The following TASP1 variants were observed in gnomAD, a reference collection of about 807,000 sequenced individuals.
TASP1 encodes the protein taspase 1.
Under a neutral mutation model 56.6 loss-of-function variants are expected in TASP1, and 16 were observed. The observed-to-expected ratio is 0.28, with a 90% CI of 0.19 to 0.43. TASP1 has a LOEUF of 0.43. Among genes scored for constraint, TASP1 ranks in the 20% least tolerant of loss-of-function variants. The pLI, the probability that TASP1 is intolerant of heterozygous loss-of-function variation, is 1.00. For synonymous variants in TASP1, 179 were observed against 184.2 expected (o/e 0.97, Z 0.23); for missense variants, 393 against 511.6 (o/e 0.77, Z 2.24).
At chr20:13,110,102 T>C in the TASP1 span, 2 of 1,582,598 alleles carry the variant, frequency 1.3e-6, no homozygotes, top group Non-Finnish European at 1.7e-6. Flanking sequence ...TTTTTTGGTA[T>C]TATTTAAAGA....
At chr20:13,184,145 G>A in the TASP1 span, among the ~76,000 whole-genome samples, 2 of 151,992 alleles carry the variant, frequency 1.3e-5, no homozygotes, top group Non-Finnish European at 2.9e-5. Flanking sequence ...TAGGTGCCAA[G>A]CACTGTTCTA....
chr20:13,287,832 A>G, the TASP1 span, among the ~76,000 whole-genome samples: 2 of 152,190 alleles, frequency 1.3e-5, no homozygotes, highest in Admixed American at 1.3e-4. Context: ...AATATCCCAA[A>G]GTTGGTGGCT....
At chr20:13,222,640 G>C in the TASP1 span, among the ~76,000 whole-genome samples, 6 of 152,180 alleles carry the variant, frequency 3.9e-5, no homozygotes, top group African/African-American at 1.4e-4. Context: ...GGTCGCTTTA[G>C]CAATGGGATT....
the TASP1 span, among the ~76,000 whole-genome samples, chr20:13,342,753 G>A: frequency 1.3e-5 from 2 of 152,216 alleles, no homozygotes; most frequent in Non-Finnish European, 2.9e-5. Context: ...GCCTTGGAGT[G>A]CCTCATTCAA....
chr20:13,307,236 G>A, the TASP1 span, among the ~76,000 whole-genome samples: 3 of 152,216 alleles, frequency 2.0e-5, no homozygotes, highest in African/African-American at 7.2e-5. Context: ...CCCTCTTATA[G>A]CCAATTGGCC....
the TASP1 span, among the ~76,000 whole-genome samples, chr20:13,305,059 T>C: frequency 6.6e-6 from 1 of 152,130 alleles, no homozygotes; most frequent in East Asian, 1.9e-4. Flanking sequence ...GATAATAACA[T>C]AGTATTATTT....
intron 12 of TASP1, among the ~76,000 whole-genome samples, chr20:13,421,236 G>T (rs1351868793): frequency 6.6e-6 from 1 of 150,886 alleles, no homozygotes; most frequent in African/African-American, 2.4e-5. Flanking sequence ...TCTCCTGCCT[G>T]GCTAATTTTT....
intron 11 of TASP1, among the ~76,000 whole-genome samples, chr20:13,472,509 C>G (rs1255042950): frequency 6.6e-6 from 1 of 151,018 alleles, no homozygotes; most frequent in Non-Finnish European, 1.5e-5. Context: ...TAAAGAGCTT[C>G]TGCACAGCAA....
intron 12 of TASP1, among the ~76,000 whole-genome samples, chr20:13,423,947 C>G (rs1363780561): frequency 1.3e-5 from 2 of 152,148 alleles, no homozygotes; most frequent in Non-Finnish European, 2.9e-5. Context: ...CAATTTGTTT[C>G]TTGTCTCATG....
chr20:13,561,602 G>A (rs920327822), intron 7 of TASP1, among the ~76,000 whole-genome samples: 22 of 152,018 alleles, frequency 1.4e-4, no homozygotes, highest in African/African-American at 5.3e-4. Context: ...CCTGAGCTCA[G>A]GTGATTCGCC....
intron 1 of TASP1, among the ~76,000 whole-genome samples, chr20:13,632,365 AAAAAAAAAAAAAAAG>A (rs1358554644): frequency 7.0e-6 from 1 of 142,938 alleles, no homozygotes. Flanking sequence ...ACTCCATCTC[AAAAAAAAAAAAAAAG>A]AAAAAAGAAA....
At chr20:13,202,974 C>A in the TASP1 span, among the ~76,000 whole-genome samples, 1 of 152,178 alleles carries the variant, frequency 6.6e-6, no homozygotes, top group Admixed American at 6.5e-5. Context: ...AAGGAGGCAG[C>A]TTTAGGCTAA....
At chr20:13,221,910 T>C in the TASP1 span, 2 of 1,347,804 alleles carry the variant, frequency 1.5e-6, no homozygotes, top group Non-Finnish European at 1.9e-6. Context: ...CAAGCCCAGC[T>C]GCAGGTGAGT....
At chr20:13,305,543 C>A in the TASP1 span, among the ~76,000 whole-genome samples, 1 of 152,174 alleles carries the variant, frequency 6.6e-6, no homozygotes, top group Non-Finnish European at 1.5e-5. Flanking sequence ...TGGGTCGTCC[C>A]ATTATGCCTG....
chr20:13,510,904 T>A (rs967106776), intron 10 of TASP1, among the ~76,000 whole-genome samples: 3 of 152,158 alleles, frequency 2.0e-5, no homozygotes, highest in African/African-American at 7.2e-5. Context: ...TGATGGCAAG[T>A]GTCAAGTTTA....
At chr20:13,427,487 A>G (rs775852913) in intron 12 of TASP1, among the ~76,000 whole-genome samples, 1 of 152,246 alleles carries the variant, frequency 6.6e-6, no homozygotes, top group Non-Finnish European at 1.5e-5. Context: ...GAACATGCGG[A>G]AATTTTCATA....
At chr20:13,223,719 G>A in the TASP1 span, among the ~76,000 whole-genome samples, 3 of 152,150 alleles carry the variant, frequency 2.0e-5, no homozygotes, top group South Asian at 6.2e-4. Flanking sequence ...ATTTCTATGC[G>A]GAAGTTGAAG....
At chr20:13,272,954 G>A in the TASP1 span, among the ~76,000 whole-genome samples, 1 of 152,232 alleles carries the variant, frequency 6.6e-6, no homozygotes, top group African/African-American at 2.4e-5. Flanking sequence ...AGGTGGGAAT[G>A]TCACTTGGGG....
At chr20:13,311,236 A>AGAT in the TASP1 span, among the ~76,000 whole-genome samples, 156 of 105,198 alleles carry the variant, frequency 1.5e-3, no homozygotes, top group African/African-American at 5.0e-3. Context: ...ATAGATAGAT[A>AGAT]GATAGATGAT....
Sources: allele counts gnomAD v4.1 joint callset (sites outside exome capture counted in the v4.1 genomes callset), GRCh38; gene constraint gnomAD v4.1.1; transcripts MANE v1.5; gene names NCBI Gene and HGNC (gene_info 2026-07-23, HGNC 2026-07-21).